Variants in INO80E observed in about 807,000 individuals in gnomAD.
INO80E encodes the protein coiled-coil domain containing 95.
A neutral mutation model predicts 27.3 loss-of-function variants in INO80E; 20 were observed. The ratio of observed to expected loss-of-function variants is 0.73; its 90% CI spans 0.51 to 1.06. INO80E has a LOEUF of 1.06. Among genes scored for constraint, INO80E ranks in the 50% least tolerant of loss-of-function variants. INO80E has a pLI of 0.00. For synonymous variants in INO80E, 167 were observed against 145.9 expected (o/e 1.14, Z -1.04); for missense variants, 357 against 322.8 (o/e 1.11, Z -0.81).
intron 5 of INO80E, 47 bp from the exon 6 acceptor site, chr16:30,001,367 C>T: frequency 1.3e-6 from 2 of 1,544,072 alleles, no homozygotes; most frequent in East Asian, 2.4e-5. Context: ...CCCACCCTCA[C>T]CCCGGTCCAT....
At chr16:29,998,785 C>T (rs1258562935) in intron 3 of INO80E, among the ~76,000 whole-genome samples, 1 of 152,158 alleles carries the variant, frequency 6.6e-6, no homozygotes, top group Non-Finnish European at 1.5e-5. Context: ...GTGGCTCACG[C>T]TTGTAATCCC....
At position 30,000,813 on chromosome 16, in the gene INO80E, G is replaced by T; in HGVS notation, c.261G>T (p.Leu87Phe). Residue 87 changes from leucine to phenylalanine, a missense_variant, in exon 4 of 7, where the codon TTG becomes TTT. Coordinates refer to ENST00000563197, the MANE Select transcript of INO80E (RefSeq NM_173618.3). ...GCGAGACGGAGGGGACACCCAAGTT[G>T]TCTGACACACCGGCCCCTAAGAGGT... ...DNSETEGTPK[L>F]SDTPAPKRKR... is the part of the protein sequence containing the mutation. 3 of 1,614,196 alleles carry T rather than the reference G, an allele frequency of 1.9e-6. No homozygotes were observed. The highest frequency in any genetic ancestry group is 2.5e-6 in the Non-Finnish European group (3 of 1,180,010).
At chr16:30,001,153 G>A (rs1265632036) in intron 5 of INO80E, 113 bp downstream of exon 5, 2 of 1,470,290 alleles carry the variant, frequency 1.4e-6, no homozygotes, top group Non-Finnish European at 1.8e-6. Flanking sequence ...CTGTCTGGGT[G>A]TGGCCCAAGT....
At chr16:29,996,415 G>A (rs367660854) in intron 1 of INO80E, 24 bp downstream of exon 1, 5 of 1,573,728 alleles carry the variant, frequency 3.2e-6, no homozygotes, top group Non-Finnish European at 4.3e-6. Flanking sequence ...CGGGAAGGCT[G>A]TGGGGGATGA....
intron 3 of INO80E, among the ~76,000 whole-genome samples, chr16:30,000,455 C>A (rs1416954183): frequency 6.6e-6 from 1 of 152,198 alleles, no homozygotes; most frequent in East Asian, 1.9e-4. Context: ...ACTGCAGTCT[C>A]AATCTCCGAG....
chr16:29,997,674 A>T (rs2070184364), intron 3 of INO80E, among the ~76,000 whole-genome samples: 1 of 151,862 alleles, frequency 6.6e-6, no homozygotes, highest in South Asian at 2.1e-4. Flanking sequence ...GAATCATTTG[A>T]ACCCTGGAGG....
In INO80E at chr16:30,001,235, G is replaced by A. The variant is rs1227807670; in HGVS notation, c.397-179G>A. 5.4e-6 allele frequency: 8 copies of A among 1,492,310 alleles called. No homozygotes were observed. The African/African-American group carries it at 8.4e-5, about 16-fold the overall frequency. The allele number at this position is 1,492,310 out of a possible 1,614,324, so 92.4% of individuals were successfully genotyped here. A position where few individuals can be genotyped will look rare whatever the true frequency, so the allele number is the denominator to read the frequency against. On this transcript the variant is annotated intron_variant, in intron 5 of 6. Transcript: ENST00000563197. ...AGGAACGGGGCCAGGCCTGACTGAG[G>A]AGAGCAAAGCCCAGGACAGCATCCT...
At chr16:30,000,693 G>A (rs1414457026) in intron 3 of INO80E, 65 bp from the exon 4 acceptor site, 1 of 1,360,474 alleles carries the variant, frequency 7.4e-7, no homozygotes, top group African/African-American at 1.4e-5. Context: ...GTGTAGAGGA[G>A]GTTATACCTT....
At chr16:29,998,641 T>C (rs917957197) in intron 3 of INO80E, among the ~76,000 whole-genome samples, 4 of 152,226 alleles carry the variant, frequency 2.6e-5, no homozygotes, top group African/African-American at 9.6e-5. Context: ...CACTAATGGC[T>C]TGAGACCCAC....
intron 5 of INO80E, 66 bp from the exon 6 acceptor site, chr16:30,001,348 A>C: frequency 6.6e-7 from 1 of 1,519,940 alleles, no homozygotes; most frequent in Non-Finnish European, 8.9e-7. Flanking sequence ...TTCTGTTTGC[A>C]TTTCTTCCCC....
At chr16:30,001,762 C>T (rs996731105) in intron 6 of INO80E, 6 of 510,126 alleles carry the variant, frequency 1.2e-5, no homozygotes, top group Non-Finnish European at 2.1e-5. Flanking sequence ...AGGGATCCCG[C>T]CCTTTCATGG....
At chr16:29,996,983 C>A in intron 3 of INO80E, 123 bp downstream of exon 3, 1 of 892,050 alleles carries the variant, frequency 1.1e-6, no homozygotes. Context: ...AGCCTAGTTG[C>A]TTGCCTTCCA....
intron 3 of INO80E, among the ~76,000 whole-genome samples, chr16:29,998,951 A>G (rs1286450831): frequency 6.6e-6 from 1 of 152,042 alleles, no homozygotes; most frequent in Non-Finnish European, 1.5e-5. Flanking sequence ...AGGCTGAGGC[A>G]GAAGAATGGT....
intron 1 of INO80E, 63 bp from the exon 2 acceptor site, chr16:29,996,484 C>T: frequency 6.4e-7 from 1 of 1,551,106 alleles, no homozygotes; most frequent in Non-Finnish European, 8.7e-7. Context: ...GGCGAGCGGC[C>T]GCTGGTTCCG....
rs1361554930 is a variant in INO80E, at chr16:29,996,272, G to A, written c.-39G>A. 2 of 1,549,626 alleles carry A rather than the reference G, an allele frequency of 1.3e-6. No homozygotes were observed. The highest frequency in any genetic ancestry group is 4.8e-5 in the East Asian group (2 of 41,510). On this transcript the variant is annotated 5_prime_UTR_variant, in exon 1 of 7. Transcript: ENST00000563197. Reference sequence around the variant, plus strand: ...GGCACGGCAGCCACTGCTTGGGGTAGCGGGAGGGCAGACTCTGGGCGCCAC... The same window carrying A: ...GGCACGGCAGCCACTGCTTGGGGTAACGGGAGGGCAGACTCTGGGCGCCAC...
intron 3 of INO80E, among the ~76,000 whole-genome samples, chr16:29,998,451 G>T (rs988126064): frequency 1.3e-5 from 2 of 152,174 alleles, no homozygotes; most frequent in African/African-American, 4.8e-5. Flanking sequence ...CCTTTTATTT[G>T]AATATTGTCT....
chr16:30,002,520 C>T (rs992758591), intron 6 of INO80E: 1 of 152,582 alleles, frequency 6.6e-6, no homozygotes, highest in Non-Finnish European at 1.5e-5. Flanking sequence ...AGGCCAAGGG[C>T]AGAGGGTCCA....
intron 3 of INO80E, 128 bp downstream of exon 3, chr16:29,996,988 C>T (rs2070147474): frequency 4.8e-6 from 4 of 829,086 alleles, no homozygotes; most frequent in South Asian, 1.4e-5. Context: ...AGTTGCTTGC[C>T]TTCCACCTCC....
Position 29,996,577 on chromosome 16 carries a change from A to C in INO80E, c.112A>C (p.Lys38Gln). The change falls in exon 2 of 7, where the codon AAA (lysine) becomes CAA (glutamine). Residue 38 changes from lysine (K) to glutamine (Q), a missense_variant. Physicochemically the swap from Lys to Gln is moderately conservative, Grantham distance 53. Coordinates refer to ENST00000563197, the MANE Select transcript of INO80E (RefSeq NM_173618.3). ...CGAGTGCTTCCAGGAGGAGCTGAGG[A>C]AAGCGCAAAGGAAATTACTGAAGGT... The part of the protein sequence containing the change: ...EHECFQEELR[K>Q]AQRKLLKVSR... The C allele has an allele frequency of 1.3e-6, 2 of 1,574,486 alleles. No homozygotes were observed. Among genetic ancestry groups the C allele is most frequent in the Non-Finnish European group, 1.7e-6 (2 of 1,160,074 alleles).
Sources: allele counts gnomAD v4.1 joint callset (sites outside exome capture counted in the v4.1 genomes callset), GRCh38; gene constraint gnomAD v4.1.1; transcripts MANE v1.5; gene names NCBI Gene and HGNC (gene_info 2026-07-23, HGNC 2026-07-21).